Variants in KALRN observed in about 807,000 individuals in gnomAD.
KALRN encodes the protein kalirin RhoGEF kinase.
Under a neutral mutation model 353.7 loss-of-function variants are expected in KALRN, and 70 were observed. The observed-to-expected ratio is 0.20, with a 90% CI of 0.16 to 0.24. KALRN has a LOEUF of 0.24. Among genes scored for constraint, KALRN ranks in the 10% least tolerant of loss-of-function variants. The pLI is 1.00. For missense variants in KALRN, 2,791 were observed against 3,756.7 expected, an observed-to-expected ratio of 0.74 and a Z score of 6.72; for synonymous variants, 1,391 against 1,434.8, an observed-to-expected ratio of 0.97 and a Z score of 0.69.
intron 1 of KALRN, among the ~76,000 whole-genome samples, chr3:124,226,417 A>G (rs1004145095): frequency 5.3e-5 from 8 of 152,046 alleles, no homozygotes; most frequent in Non-Finnish European, 8.8e-5. Context: ...TTGTTTTCCT[A>G]TTGCTCAAGG....
chr3:124,053,715 A>G (rs764403956), intron 1 of KALRN, among the ~76,000 whole-genome samples: 2 of 152,214 alleles, frequency 1.3e-5, no homozygotes, highest in Admixed American at 6.5e-5. Flanking sequence ...CTGTGCATAT[A>G]TGTGCTGTGT....
At chr3:124,062,679 G>A (rs972992768) in intron 1 of KALRN, among the ~76,000 whole-genome samples, 16 of 152,132 alleles carry the variant, frequency 1.1e-4, no homozygotes, top group Non-Finnish European at 1.8e-4. Flanking sequence ...TTAAAGTCAC[G>A]TGCTTCCTTG....
At chr3:124,120,710 A>AT (rs1273117126) in intron 1 of KALRN, among the ~76,000 whole-genome samples, 3,034 of 45,116 alleles carry the variant, frequency 0.067, 113 homozygotes, top group African/African-American at 0.16. Context: ...GGAATACTAA[A>AT]AATATATATA....
chr3:124,217,245 C>A (rs2077421421), intron 1 of KALRN, among the ~76,000 whole-genome samples: 1 of 152,186 alleles, frequency 6.6e-6, no homozygotes, highest in Non-Finnish European at 1.5e-5. Context: ...TTGCCTGACA[C>A]ATATAGGTGC....
intron 1 of KALRN, among the ~76,000 whole-genome samples, chr3:124,196,526 C>T (rs1397745197): frequency 1.3e-5 from 2 of 151,554 alleles, no homozygotes; most frequent in African/African-American, 4.9e-5. Flanking sequence ...CTTTTTTTGG[C>T]TGCATTGAAG....
At chr3:124,693,954 G>A (rs1032546512) in intron 52 of KALRN, 123 bp downstream of exon 52, 21 of 695,452 alleles carry the variant, frequency 3.0e-5, no homozygotes, top group Non-Finnish European at 4.8e-5. Context: ...GACAAGGAAA[G>A]AGGTTTATGA....
At chr3:124,132,200 C>G (rs77927917) in intron 1 of KALRN, among the ~76,000 whole-genome samples, 2 of 152,304 alleles carry the variant, frequency 1.3e-5, no homozygotes, top group East Asian at 1.9e-4. Flanking sequence ...TGACTGGGTG[C>G]TGCCTGAATT....
intron 1 of KALRN, among the ~76,000 whole-genome samples, chr3:124,054,132 C>T (rs77652417): frequency 0.015 from 2,358 of 152,256 alleles, 60 homozygotes; most frequent in African/African-American, 0.053. Flanking sequence ...AAACCCTAGG[C>T]TGGGTAGAGA....
In KALRN at chr3:124,496,010, TATACAC is replaced by T. The variant is rs1346209366; in HGVS notation, c.4833-299_4833-294del. 1.5e-3 allele frequency among the ~76,000 whole-genome samples: 91 copies of T among 61,798 alleles called. 10 individuals carry two copies. Among genetic ancestry groups the T allele is most frequent in the South Asian group, 7.7e-3 (14 of 1,808 alleles). 40.5% of individuals were successfully genotyped at this position (61,798 alleles called of 152,430 possible). A position where few individuals can be genotyped will look rare whatever the true frequency, so the allele number is the denominator to read the frequency against. ...ATATATATATATATATATATATATATATACACACACATATATACATACATACACCCC... is the reference window on the plus strand; with the variant it reads ...ATATATATATATATATATATATATATACACATATATACATACATACACCCC... On this transcript the variant is annotated intron_variant, in intron 32 of 59. Coordinates refer to ENST00000682506, the MANE Select transcript of KALRN (RefSeq NM_001388419.1).
chr3:124,178,286 C>A (rs1464366471), intron 1 of KALRN, among the ~76,000 whole-genome samples: 5 of 152,096 alleles, frequency 3.3e-5, no homozygotes, highest in African/African-American at 9.7e-5. Context: ...TATATTCATA[C>A]CTATAATAAA....
intron 12 of KALRN, among the ~76,000 whole-genome samples, chr3:124,397,732 G>T (rs1329684273): frequency 6.6e-6 from 1 of 152,148 alleles, no homozygotes; most frequent in South Asian, 2.1e-4. Context: ...TACTACGTTT[G>T]TATAGACTCT....
At chr3:124,658,171 A>C (rs1471530225) in intron 41 of KALRN, among the ~76,000 whole-genome samples, 1 of 152,092 alleles carries the variant, frequency 6.6e-6, no homozygotes, top group East Asian at 1.9e-4. Context: ...AAAAAAGTAA[A>C]TAAAATTTCT....
At chr3:124,574,092 C>T (rs1018688660) in intron 34 of KALRN, among the ~76,000 whole-genome samples, 34 of 152,266 alleles carry the variant, frequency 2.2e-4, no homozygotes, top group African/African-American at 7.9e-4. Context: ...AGAGGAGTTT[C>T]GTGGAAACTG....
intron 1 of KALRN, among the ~76,000 whole-genome samples, chr3:124,101,928 C>T (rs2061900953): frequency 6.6e-6 from 1 of 152,140 alleles, no homozygotes; most frequent in Non-Finnish European, 1.5e-5. Flanking sequence ...GTGTGCCCAG[C>T]ATGATGTGTG....
chr3:124,527,627 A>C (rs547332767), intron 33 of KALRN, among the ~76,000 whole-genome samples: 24 of 152,008 alleles, frequency 1.6e-4, no homozygotes, highest in East Asian at 1.2e-3. Context: ...GAAGAAGAAG[A>C]AGCATTGGGG....
In KALRN at chr3:124,260,456, C is replaced by G. The variant is rs148804341; in HGVS notation, c.264-4042C>G. On this transcript the variant is annotated intron_variant, in intron 3 of 59. Coordinates refer to ENST00000682506, the MANE Select transcript of KALRN (RefSeq NM_001388419.1). ...ACACCCCAGCTCACACATTTATATT[C>G]TAGCCACATCCTTGCAAATAGCAGC... Among the ~76,000 whole-genome samples the G allele has an allele frequency of 1.8e-4, 27 of 152,282 alleles. No individual in the cohort carries two copies. In the East Asian group the frequency reaches 4.8e-3, roughly 27 times the overall value.
Position 124,492,896 on chromosome 3 carries a change from C to A in KALRN, c.4832+14C>A. 1 of 1,613,248 alleles carries A rather than the reference C, an allele frequency of 6.2e-7. No individual in the cohort carries two copies. The highest frequency in any genetic ancestry group is 1.3e-5 in the African/African-American group (1 of 75,056). ...CAATAGTAAGAGGTAACCAGCACCT[C>A]TCCCTCCAGCACTGCCTGCCTCACA... is the stretch of plus-strand genomic sequence containing the variant. On this transcript the variant is annotated intron_variant, in intron 32 of 59. Coordinates refer to ENST00000682506, the MANE Select transcript of KALRN (RefSeq NM_001388419.1).
intron 11 of KALRN, among the ~76,000 whole-genome samples, chr3:124,391,962 C>G (rs2150025904): frequency 6.6e-6 from 1 of 152,324 alleles, no homozygotes; most frequent in South Asian, 2.1e-4. Flanking sequence ...TGATCTTATA[C>G]AAACTCCAAA....
chr3:124,124,521 G>T lies in KALRN; in HGVS notation c.73+90708G>T, dbSNP rs548031560. 7.2e-5 allele frequency among the ~76,000 whole-genome samples: 11 copies of T among 152,332 alleles called. No homozygotes were observed. The South Asian group carries it at 2.3e-3, about 32-fold the overall frequency. ...ATAAAGCAGCAGCTGGTTTTGAGAG[G>T]ATTCACTCCAGTTTTGAAAGAATTT... On this transcript the variant is annotated intron_variant, in intron 1 of 59. Transcript: ENST00000682506.
Sources: allele counts gnomAD v4.1 joint callset (sites outside exome capture counted in the v4.1 genomes callset), GRCh38; gene constraint gnomAD v4.1.1; transcripts MANE v1.5; gene names NCBI Gene and HGNC (gene_info 2026-07-23, HGNC 2026-07-21).